BRINP3: variants seen among roughly 807,000 people sequenced by gnomAD.
BRINP3 encodes BMP/retinoic acid inducible neural specific 3.
Under a neutral mutation model 71.0 loss-of-function variants are expected in BRINP3, and 19 were observed. That is an observed-to-expected ratio of 0.27 (90% CI 0.19 to 0.39). BRINP3 has a LOEUF of 0.39. Ranked by LOEUF, BRINP3 falls within the 10% of genes least tolerant of loss-of-function variation. BRINP3 has a pLI of 1.00. For synonymous variants in BRINP3, 380 were observed against 337.7 expected (o/e 1.13, Z -1.37); for missense variants, 959 against 940.8 (o/e 1.02, Z -0.25).
intron 6 of BRINP3, among the ~76,000 whole-genome samples, chr1:190,171,524 T>C (rs1652007879): frequency 2.0e-5 from 3 of 152,114 alleles, no homozygotes; most frequent in Non-Finnish European, 4.4e-5. Context: ...TCCTTATGAA[T>C]AAAGATCTAC....
At chr1:190,414,873 A>T (rs912963295) in intron 2 of BRINP3, among the ~76,000 whole-genome samples, 2 of 152,224 alleles carry the variant, frequency 1.3e-5, no homozygotes. Flanking sequence ...TGCTGTCATG[A>T]CATTTGTTGC....
chr1:190,152,855 G>C (rs1656537904), intron 7 of BRINP3, among the ~76,000 whole-genome samples: 1 of 152,066 alleles, frequency 6.6e-6, no homozygotes, highest in East Asian at 1.9e-4. Flanking sequence ...ATAATAAAGA[G>C]TACCAATAAT....
At chr1:190,144,630 G>T (rs1224589236) in intron 7 of BRINP3, among the ~76,000 whole-genome samples, 1 of 151,720 alleles carries the variant, frequency 6.6e-6, no homozygotes, top group Non-Finnish European at 1.5e-5. Context: ...ATAGTTTCTT[G>T]TTGCCTGGAA....
chr1:190,187,258 C>T (rs1653614015), intron 6 of BRINP3, among the ~76,000 whole-genome samples: 1 of 152,042 alleles, frequency 6.6e-6, no homozygotes, highest in African/African-American at 2.4e-5. Flanking sequence ...GTTTGAGTTA[C>T]TGTTATATTT....
intron 1 of BRINP3, among the ~76,000 whole-genome samples, chr1:190,455,521 GAC>G (rs1675927878): frequency 6.6e-6 from 1 of 152,086 alleles, no homozygotes; most frequent in Non-Finnish European, 1.5e-5. Context: ...CACAGAGTGA[GAC>G]AGAGAGATGA....
intron 2 of BRINP3, among the ~76,000 whole-genome samples, chr1:190,387,158 G>C (rs1410589413): frequency 6.6e-6 from 1 of 151,806 alleles, no homozygotes; most frequent in East Asian, 1.9e-4. Context: ...ATATCTTATT[G>C]CTGAATCAAA....
chr1:190,172,144 A>G (rs1190726447), intron 6 of BRINP3, among the ~76,000 whole-genome samples: 2 of 147,650 alleles, frequency 1.4e-5, no homozygotes, highest in Non-Finnish European at 3.0e-5. Flanking sequence ...GTAGTTTTAC[A>G]TATAGTGGAA....
At chr1:190,373,672 GT>G (rs1455299640) in intron 2 of BRINP3, among the ~76,000 whole-genome samples, 4 of 151,664 alleles carry the variant, frequency 2.6e-5, no homozygotes, top group Non-Finnish European at 1.5e-5. Flanking sequence ...AACACTTTGA[GT>G]TTTTGATGTC....
intron 2 of BRINP3, among the ~76,000 whole-genome samples, chr1:190,368,385 G>A (rs1040491282): frequency 2.6e-5 from 4 of 151,980 alleles, no homozygotes; most frequent in South Asian, 2.1e-4. Context: ...TCTCTCCTGC[G>A]GCAGGCCATG....
At chr1:190,440,123 A>G (rs1414564247) in intron 2 of BRINP3, among the ~76,000 whole-genome samples, 1 of 152,014 alleles carries the variant, frequency 6.6e-6, no homozygotes, top group Non-Finnish European at 1.5e-5. Flanking sequence ...AATTTTTGTA[A>G]AATAAAAGAA....
intron 7 of BRINP3, among the ~76,000 whole-genome samples, chr1:190,151,797 A>G (rs1335424786): frequency 6.6e-6 from 1 of 152,198 alleles, no homozygotes; most frequent in Non-Finnish European, 1.5e-5. Context: ...GTCTTCCAAA[A>G]TAATTTTCAG....
chr1:190,373,877 A>T (rs553228830), intron 2 of BRINP3, among the ~76,000 whole-genome samples: 2 of 150,684 alleles, frequency 1.3e-5, no homozygotes, highest in Non-Finnish European at 3.0e-5. Flanking sequence ...AGCCTCTTGG[A>T]CTATGCTACA....
chr1:190,230,919 A>G (rs1289791092), intron 5 of BRINP3, among the ~76,000 whole-genome samples: 1 of 151,502 alleles, frequency 6.6e-6, no homozygotes, highest in African/African-American at 2.4e-5. Flanking sequence ...ATCTTCTATA[A>G]AAGTAAATAG....
intron 2 of BRINP3, among the ~76,000 whole-genome samples, chr1:190,316,825 A>G (rs1031442710): frequency 3.9e-5 from 6 of 152,142 alleles, no homozygotes; most frequent in Non-Finnish European, 8.8e-5. Flanking sequence ...GACAACCAAG[A>G]AAAAGAGTAT....
At chr1:190,354,852 T>C (rs1571841640) in intron 2 of BRINP3, among the ~76,000 whole-genome samples, 1 of 151,634 alleles carries the variant, frequency 6.6e-6, no homozygotes, top group East Asian at 1.9e-4. Context: ...TTAAAAAATA[T>C]ATTGATCCTG....
chr1:190,220,672 G>A (rs1005939694), intron 6 of BRINP3, among the ~76,000 whole-genome samples: 1 of 151,930 alleles, frequency 6.6e-6, no homozygotes, highest in Non-Finnish European at 1.5e-5. Context: ...TATTGTATTA[G>A]GCAAAATCAT....
chr1:190,328,957 T>C (rs1666787886), intron 2 of BRINP3, among the ~76,000 whole-genome samples: 2 of 151,962 alleles, frequency 1.3e-5, no homozygotes, highest in African/African-American at 2.4e-5. Context: ...AAAAAGCTTA[T>C]AAAATAATCC....
intron 2 of BRINP3, among the ~76,000 whole-genome samples, chr1:190,403,249 A>G (rs1672050450): frequency 6.6e-6 from 1 of 152,242 alleles, no homozygotes; most frequent in Non-Finnish European, 1.5e-5. Flanking sequence ...AAATGAAGTG[A>G]ACAACCTATA....
chr1:190,452,398 T>C (rs1675673240), intron 2 of BRINP3, among the ~76,000 whole-genome samples: 2 of 152,200 alleles, frequency 1.3e-5, no homozygotes, highest in South Asian at 4.1e-4. Flanking sequence ...AAAGACATAG[T>C]AAGGATAAGT....
Sources: allele counts gnomAD v4.1 joint callset (sites outside exome capture counted in the v4.1 genomes callset), GRCh38; gene constraint gnomAD v4.1.1; transcripts MANE v1.5; gene names NCBI Gene and HGNC (gene_info 2026-07-23, HGNC 2026-07-21).